JRK: variants seen among roughly 807,000 people sequenced by gnomAD.
JRK encodes Jrk helix-turn-helix protein.
For synonymous variants in JRK, 303 were observed against 218.1 expected (o/e 1.39, Z -3.43); for missense variants, 720 against 509.2 (o/e 1.41, Z -3.98).
the JRK span, among the ~76,000 whole-genome samples, chr8:142,645,269 T>C: frequency 3.9e-5 from 6 of 152,310 alleles, no homozygotes; most frequent in Admixed American, 2.6e-4. Context: ...CACAGAGAGA[T>C]ACATGGATGT....
At chr8:142,654,315 C>T (rs587764732), downstream of JRK, among the ~76,000 whole-genome samples, 1 of 152,126 alleles carries the variant, frequency 6.6e-6, no homozygotes, top group Admixed American at 6.5e-5. Context: ...AGATTCTGGG[C>T]TTACAAAGAC....
rs1587522783 is a variant in JRK, at chr8:142,663,839, A to C, written c.*513T>G. 2.0e-6 allele frequency: 2 copies of C among 987,228 alleles called. No homozygotes were observed. The allele number at this position is 987,228 out of a possible 1,614,324, so 61.2% of individuals were successfully genotyped here. ...TGAGTCCCAGCTCTCGGGCCATCGG[A>C]CCTCAGGCAACCGTGCTCGGGGTCC... On this transcript the variant is annotated 3_prime_UTR_variant, in exon 2 of 2. Coordinates refer to ENST00000612905, the MANE Select transcript of JRK (RefSeq NM_003724.4).
chr8:142,660,953 C>G lies in JRK; in HGVS notation c.*3399G>C, dbSNP rs1477986856. On this transcript the variant is annotated 3_prime_UTR_variant, in exon 2 of 2. Transcript: ENST00000612905. ...ATGACAGTCCTCCAACCCCAGCGAG[C>G]TGGGGAAGCCGTGGGCAGGGGCTGC... 5.1e-6 allele frequency: 5 copies of G among 985,496 alleles called. No individual in the cohort carries two copies. Among genetic ancestry groups the G allele is most frequent in the Non-Finnish European group, 6.0e-6 (5 of 829,998 alleles). 61.0% of individuals were successfully genotyped at this position (985,496 alleles called of 1,614,324 possible). A position where few individuals can be genotyped will look rare whatever the true frequency, so the allele number is the denominator to read the frequency against.
In JRK at chr8:142,662,486, CCAGA is replaced by C. The variant is rs1210195540; in HGVS notation, c.*1862_*1865del. Reference sequence around the variant, plus strand: ...AAAGTACATGATGTGCAGAAGTTCCCCAGACAATGAAGCAAACAGTGCGGGTGAC... The same window carrying C: ...AAAGTACATGATGTGCAGAAGTTCCCCAATGAAGCAAACAGTGCGGGTGAC... On this transcript the variant is annotated 3_prime_UTR_variant, in exon 2 of 2. Transcript: ENST00000612905. 1.0e-6 allele frequency: 1 copy of C among 985,318 alleles called. No individual in the cohort carries two copies. The allele number at this position is 985,318 out of a possible 1,614,324, so 61.0% of individuals were successfully genotyped here.
chr8:142,664,735 C>G lies in JRK; in HGVS notation c.1324G>C (p.Val442Leu), dbSNP rs781858612. 1.9e-6 allele frequency: 3 copies of G among 1,599,544 alleles called. No individual in the cohort carries two copies. Among genetic ancestry groups the G allele is most frequent in the Non-Finnish European group, 2.6e-6 (3 of 1,173,800 alleles). ...CCCCCTTCTGCCTCCCTTCCCGCTACCCCCCAGCTGGCGGCCTGGCGCTGG... is the reference window on the plus strand; with the variant it reads ...CCCCCTTCTGCCTCCCTTCCCGCTAGCCCCCAGCTGGCGGCCTGGCGCTGG... ...LRQRQAASWG[V>L]AGREAEGGRP... The change falls in exon 2 of 2, where the codon GTA (valine) becomes CTA (leucine). Residue 442 changes from valine to leucine, a missense_variant. Val to Leu is a conservative substitution (Grantham distance 32). Transcript: ENST00000612905.
Position 142,661,228 on chromosome 8 carries a change from GCT to G in JRK, c.*3122_*3123del. On this transcript the variant is annotated 3_prime_UTR_variant, in exon 2 of 2. Coordinates refer to ENST00000612905, the MANE Select transcript of JRK (RefSeq NM_003724.4). ...GCCTGGGGTGCTCGCAGAAGGCCAG[GCT>G]GGCACAGGCAGGACAGGTGTTCTGT... is the stretch of plus-strand genomic sequence containing the variant. The G allele has an allele frequency of 1.0e-6, 1 of 985,584 alleles. No individual in the cohort carries two copies. The highest frequency in any genetic ancestry group is 1.2e-6 in the Non-Finnish European group (1 of 830,054). 61.1% of individuals were successfully genotyped at this position (985,584 alleles called of 1,614,324 possible).
chr8:142,663,898 T>C lies in JRK; in HGVS notation c.*454A>G, dbSNP rs1563793263. On this transcript the variant is annotated 3_prime_UTR_variant, in exon 2 of 2. Coordinates refer to ENST00000612905, the MANE Select transcript of JRK (RefSeq NM_003724.4). Reference sequence around the variant, plus strand: ...CGGGGATGGCCGCCAGCCCAGCAGATAGAGCCTTCTGAGACGAAGCCTGTC... The same window carrying C: ...CGGGGATGGCCGCCAGCCCAGCAGACAGAGCCTTCTGAGACGAAGCCTGTC... 17 of 992,302 alleles carry C rather than the reference T, an allele frequency of 1.7e-5. No homozygotes were observed. Among genetic ancestry groups the C allele is most frequent in the African/African-American group, 5.2e-5 (3 of 57,518 alleles). The allele number at this position is 992,302 out of a possible 1,614,324, so 61.5% of individuals were successfully genotyped here.
In JRK at chr8:142,661,840, G is replaced by A. The variant is rs1388120441; in HGVS notation, c.*2512C>T. ...TCAACCACTTGAGCTTCTGAGACGG[G>A]TCAGGAAGTGAAAACAAAGTGCTCG... On this transcript the variant is annotated 3_prime_UTR_variant, in exon 2 of 2. Transcript: ENST00000612905. 4.1e-6 allele frequency: 4 copies of A among 985,456 alleles called. No individual in the cohort carries two copies. The highest frequency in any genetic ancestry group is 4.8e-6 in the Non-Finnish European group (4 of 830,050). 61.0% of individuals were successfully genotyped at this position (985,456 alleles called of 1,614,324 possible).
At chr8:142,657,027 C>T (rs150233336), downstream of JRK, among the ~76,000 whole-genome samples, 1 of 152,174 alleles carries the variant, frequency 6.6e-6, no homozygotes. Flanking sequence ...ATTGCCAACT[C>T]CTCTAGTGAA....
At chr8:142,647,094 A>G in the JRK span, among the ~76,000 whole-genome samples, 8 of 152,202 alleles carry the variant, frequency 5.3e-5, no homozygotes, top group African/African-American at 1.7e-4. Flanking sequence ...CATAAAATTT[A>G]TAGAAATCTA....
At chr8:142,645,756 G>T in the JRK span, among the ~76,000 whole-genome samples, 1 of 151,942 alleles carries the variant, frequency 6.6e-6, no homozygotes. Context: ...GACTTTTTGG[G>T]TTGACCTGAA....
At chr8:142,645,475 C>T in the JRK span, among the ~76,000 whole-genome samples, 1 of 151,962 alleles carries the variant, frequency 6.6e-6, no homozygotes, top group Admixed American at 6.6e-5. Flanking sequence ...GTCAGGAGAT[C>T]GAGACCATCC....
At chr8:142,648,654 G>C in the JRK span, among the ~76,000 whole-genome samples, 1 of 152,250 alleles carries the variant, frequency 6.6e-6, no homozygotes, top group African/African-American at 2.4e-5. Context: ...TGCTGCAGGG[G>C]TGGGGCCCTC....
At position 142,665,078 on chromosome 8, in the gene JRK, CA is replaced by C; in HGVS notation, c.980del (p.Leu327TrpfsTer14). 1 of 717,850 alleles carries C rather than the reference CA, an allele frequency of 1.4e-6. No homozygotes were observed. The highest frequency in any genetic ancestry group is 2.6e-6 in the Non-Finnish European group (1 of 385,106). The allele number at this position is 717,850 out of a possible 1,614,324, so 44.5% of individuals were successfully genotyped here. On this transcript the variant is annotated frameshift_variant, in exon 2 of 2. Transcript: ENST00000612905. LOFTEE classifies it low-confidence loss of function (END_TRUNC). ...TIFLPASVAS[L>X]VQPMEQGIRR... Reference sequence around the variant, plus strand: ...GAATGCCCTGCTCCATGGGCTGCACCAATGAGGCCACGCTGGCAGGCAGGAA... The same window carrying C: ...GAATGCCCTGCTCCATGGGCTGCACCATGAGGCCACGCTGGCAGGCAGGAA...
At chr8:142,669,199 TGC>T (rs1554636779) in intron 1 of JRK, among the ~76,000 whole-genome samples, 1,283 of 61,558 alleles carry the variant, frequency 0.021, 9 homozygotes, top group Middle Eastern at 0.043. Flanking sequence ...TGTGTGTGTG[TGC>T]GTGTGTGTGT....
At chr8:142,651,459 G>C in the JRK span, among the ~76,000 whole-genome samples, 2 of 150,214 alleles carry the variant, frequency 1.3e-5, no homozygotes, top group Non-Finnish European at 3.0e-5. Context: ...AACAGCCATT[G>C]CTTTCAGTTT....
downstream of JRK, among the ~76,000 whole-genome samples, chr8:142,656,453 A>C (rs587643830): frequency 5.8e-5 from 3 of 51,870 alleles, no homozygotes; most frequent in South Asian, 1.4e-3. Flanking sequence ...AGCTCCACTA[A>C]TGATCAGCTG....
rs931280959 is a variant in JRK, at chr8:142,659,397, T to A, written c.*4955A>T. 3.0e-5 allele frequency: 30 copies of A among 988,108 alleles called. No homozygotes were observed. Among genetic ancestry groups the A allele is most frequent in the Non-Finnish European group, 3.5e-5 (29 of 831,626 alleles). The allele number at this position is 988,108 out of a possible 1,614,324, so 61.2% of individuals were successfully genotyped here. On this transcript the variant is annotated 3_prime_UTR_variant, in exon 2 of 2. Transcript: ENST00000612905. ...GGAGGCCCAACGATCCTCGCCTGTG[T>A]GGGACGGGGCTACCTGCAGACATAG...
Position 142,666,243 on chromosome 8 carries a change from C to A in JRK, c.-185G>T. 4.9e-6 allele frequency: 5 copies of A among 1,013,458 alleles called. No homozygotes were observed. Among genetic ancestry groups the A allele is most frequent in the South Asian group, 1.6e-5 (1 of 62,654 alleles). The allele number at this position is 1,013,458 out of a possible 1,614,324, so 62.8% of individuals were successfully genotyped here. On this transcript the variant is annotated 5_prime_UTR_variant, in exon 2 of 2. Transcript: ENST00000612905. ...CGGGTTTCTCACTCCACACGCTGCA[C>A]CTCCTGCCTCAGGTATCCCTGGTCT...
Sources: allele counts gnomAD v4.1 joint callset (sites outside exome capture counted in the v4.1 genomes callset), GRCh38; gene constraint gnomAD v4.1.1; transcripts MANE v1.5; gene names NCBI Gene and HGNC (gene_info 2026-07-23, HGNC 2026-07-21).